Variants in CDK14 observed in about 807,000 individuals in gnomAD.
The protein encoded by CDK14 is cyclin dependent kinase 14, also known as cyclin-dependent kinase 14.
A neutral mutation model predicts 60.7 loss-of-function variants in CDK14; 34 were observed. The observed-to-expected ratio is 0.56, with a 90% CI of 0.43 to 0.75. The LOEUF (loss-of-function observed/expected upper bound fraction) is 0.75, where lower values mean the gene tolerates loss of function less well. CDK14 is among the 30% of genes least tolerant of loss of function. The probability of loss-of-function intolerance (pLI) is 0.00; values close to 1 mark genes in which losing one functional copy is unlikely to be tolerated. For missense variants in CDK14, 482 were observed against 564.1 expected, an observed-to-expected ratio of 0.85 and a Z score of 1.47; for synonymous variants, 197 against 203.7, an observed-to-expected ratio of 0.97 and a Z score of 0.28.
intron 8 of CDK14, among the ~76,000 whole-genome samples, chr7:90,950,089 T>C (rs1316039759): frequency 1.3e-5 from 2 of 149,270 alleles, no homozygotes. Flanking sequence ...AATTAATTTT[T>C]GTTTTTATTT....
chr7:91,064,569 G>A (rs1296609919), intron 11 of CDK14, among the ~76,000 whole-genome samples: 2 of 152,208 alleles, frequency 1.3e-5, no homozygotes, highest in Non-Finnish European at 2.9e-5. Flanking sequence ...GGGTATCCTA[G>A]CTCTTTGGTA....
chr7:91,140,437 G>T (rs1800420835), intron 14 of CDK14, among the ~76,000 whole-genome samples: 1 of 152,200 alleles, frequency 6.6e-6, no homozygotes, highest in Non-Finnish European at 1.5e-5. Context: ...GAAAAGATGT[G>T]AAGTGGTCAT....
At chr7:90,941,611 G>A in intron 8 of CDK14, among the ~76,000 whole-genome samples, 1 of 149,248 alleles carries the variant, frequency 6.7e-6, no homozygotes, top group Middle Eastern at 3.4e-3. Flanking sequence ...GCCAAACCCA[G>A]CTATTTTTTT....
chr7:91,192,961 G>T (rs1489848868), intron 14 of CDK14, among the ~76,000 whole-genome samples: 1 of 152,164 alleles, frequency 6.6e-6, no homozygotes, highest in Non-Finnish European at 1.5e-5. Flanking sequence ...AAGGAAATAT[G>T]ATGCATAGAC....
intron 4 of CDK14, among the ~76,000 whole-genome samples, chr7:90,778,500 C>T (rs11977131): frequency 0.44 from 66,130 of 151,968 alleles, 15,190 homozygotes; most frequent in East Asian, 0.82. Context: ...AGGAATTCTC[C>T]ACACCATAGC....
chr7:90,758,776 A>G (rs1049814690), intron 4 of CDK14, among the ~76,000 whole-genome samples: 7 of 152,124 alleles, frequency 4.6e-5, no homozygotes, highest in African/African-American at 1.7e-4. Flanking sequence ...AGAAAGGCCC[A>G]GGTACACAGT....
chr7:90,983,548 C>A (rs1795293599), intron 9 of CDK14, among the ~76,000 whole-genome samples: 1 of 151,964 alleles, frequency 6.6e-6, no homozygotes. Context: ...GGCATGGTGG[C>A]AGGCACCTGT....
intron 14 of CDK14, among the ~76,000 whole-genome samples, chr7:91,186,829 A>G (rs985516414): frequency 6.6e-6 from 1 of 152,178 alleles, no homozygotes; most frequent in Non-Finnish European, 1.5e-5. Flanking sequence ...TGCCGACCCT[A>G]TAAAATCTGT....
At chr7:90,682,049 A>C (rs1801328242) in intron 2 of CDK14, among the ~76,000 whole-genome samples, 1 of 152,162 alleles carries the variant, frequency 6.6e-6, no homozygotes, top group African/African-American at 2.4e-5. Flanking sequence ...ATGGTGGAGT[A>C]TTATTTTACA....
intron 8 of CDK14, among the ~76,000 whole-genome samples, chr7:90,932,715 G>C (rs1336037281): frequency 6.6e-6 from 1 of 152,242 alleles, no homozygotes; most frequent in Admixed American, 6.5e-5. Flanking sequence ...TGTGGTAAGA[G>C]TCTGAGTATG....
At chr7:90,708,200 A>G (rs17623467) in intron 2 of CDK14, among the ~76,000 whole-genome samples, 2,330 of 152,280 alleles carry the variant, frequency 0.015, 19 homozygotes, top group Middle Eastern at 0.027. Flanking sequence ...GAAAAATGCA[A>G]TTGGCGTGAT....
At chr7:90,622,945 C>CT (rs1440594211) in intron 2 of CDK14, among the ~76,000 whole-genome samples, 1 of 133,290 alleles carries the variant, frequency 7.5e-6, no homozygotes, top group East Asian at 2.1e-4. Flanking sequence ...TTTTAGCACT[C>CT]TGAGTTTTTG....
chr7:90,949,647 T>G (rs1190456806), intron 8 of CDK14, among the ~76,000 whole-genome samples: 1 of 151,946 alleles, frequency 6.6e-6, no homozygotes, highest in Non-Finnish European at 1.5e-5. Flanking sequence ...ACTTAATTCC[T>G]TTTTATTTAT....
intron 9 of CDK14, among the ~76,000 whole-genome samples, chr7:90,978,022 C>T (rs1376433128): frequency 1.3e-5 from 2 of 152,080 alleles, no homozygotes; most frequent in African/African-American, 4.8e-5. Flanking sequence ...GAGGAACTGC[C>T]TTATAGGTGG....
chr7:90,662,691 A>G (rs550862813), intron 2 of CDK14, among the ~76,000 whole-genome samples: 235 of 152,336 alleles, frequency 1.5e-3, no homozygotes, highest in Non-Finnish European at 2.8e-3. Flanking sequence ...GGAAGGTGCT[A>G]TGCACCATGA....
At chr7:91,159,330 A>AGACTCAGC (rs1249048501) in intron 14 of CDK14, among the ~76,000 whole-genome samples, 1 of 152,204 alleles carries the variant, frequency 6.6e-6, no homozygotes, top group Non-Finnish European at 1.5e-5. Context: ...GTTAACTAAG[A>AGACTCAGC]GACTCAGCAT....
chr7:91,102,835 C>T (rs1031221018), intron 12 of CDK14, among the ~76,000 whole-genome samples: 1 of 152,124 alleles, frequency 6.6e-6, no homozygotes, highest in African/African-American at 2.4e-5. Flanking sequence ...AAATGACTGC[C>T]TACTTCTTCA....
At chr7:90,845,235 C>T (rs542936224) in intron 5 of CDK14, among the ~76,000 whole-genome samples, 71 of 152,120 alleles carry the variant, frequency 4.7e-4, no homozygotes, top group African/African-American at 1.4e-3. Context: ...ATTACATAAG[C>T]GAGTATTGCA....
intron 11 of CDK14, among the ~76,000 whole-genome samples, chr7:91,058,809 T>C: frequency 6.6e-6 from 1 of 152,240 alleles, no homozygotes; most frequent in East Asian, 1.9e-4. Flanking sequence ...AGTTTGCCAG[T>C]ATTTTATTGA....
Sources: gnomAD v4.1 joint callset for allele counts (sites outside exome capture counted in the v4.1 genomes callset) on GRCh38, gnomAD v4.1.1 for gene constraint, MANE v1.5 for transcripts, NCBI Gene and HGNC (gene_info 2026-07-23, HGNC 2026-07-21) for gene names.